Variants in ABI3BP observed in about 807,000 individuals in gnomAD.
ABI3BP encodes the protein target of Nesh-SH3.
In ABI3BP, 216 loss-of-function variants were observed where a neutral mutation model predicts 268.6. The ratio of observed to expected loss-of-function variants is 0.80; its 90% confidence interval spans 0.72 to 0.90. The LOEUF (loss-of-function observed/expected upper bound fraction) is 0.90, where lower values mean the gene tolerates loss of function less well. ABI3BP is among the 40% of genes least tolerant of loss of function. The pLI, the probability that ABI3BP is intolerant of heterozygous loss-of-function variation, is 0.00. For synonymous variants in ABI3BP, 730 were observed against 730.0 expected (o/e 1.00, Z 0.00); for missense variants, 2,090 against 2,182.4 (o/e 0.96, Z 0.84).
intron 4 of ABI3BP, among the ~76,000 whole-genome samples, chr3:100,893,725 C>G (rs1160647659): frequency 6.6e-6 from 1 of 152,232 alleles, no homozygotes; most frequent in East Asian, 1.9e-4. Flanking sequence ...GAATACATAA[C>G]AGGATCAACA....
chr3:100,853,134 T>C (rs1428406443), intron 14 of ABI3BP, among the ~76,000 whole-genome samples: 3 of 152,180 alleles, frequency 2.0e-5, no homozygotes, highest in Non-Finnish European at 4.4e-5. Context: ...CCTCTGAAAG[T>C]AGACAGCATT....
chr3:100,879,595 T>G (rs2153348590), intron 6 of ABI3BP, among the ~76,000 whole-genome samples: 1 of 152,354 alleles, frequency 6.6e-6, no homozygotes, highest in South Asian at 2.1e-4. Context: ...TATTCTGCTC[T>G]TCACATGAAT....
chr3:100,816,077 A>T lies in ABI3BP; in HGVS notation c.3230-106T>A, dbSNP rs544356795. The T allele has an allele frequency of 8.1e-6, 7 of 859,462 alleles. No homozygotes were observed. The African/African-American group carries it at 1.0e-4, about 13-fold the overall frequency. 53.2% of individuals were successfully genotyped at this position (859,462 alleles called of 1,614,324 possible). A position where few individuals can be genotyped will look rare whatever the true frequency, so the allele number is the denominator to read the frequency against. On this transcript the variant is annotated intron_variant, in intron 43 of 67. Coordinates refer to ENST00000471714, the MANE Select transcript of ABI3BP (RefSeq NM_001375547.2). ...AGTTTCAAATGATACACAATTTTTT[A>T]AAACTTTTGAATTGATAGGCAGCAT...
intron 6 of ABI3BP, among the ~76,000 whole-genome samples, chr3:100,880,394 G>T (rs562817780): frequency 7.2e-5 from 11 of 152,260 alleles, no homozygotes; most frequent in Admixed American, 7.2e-4. Flanking sequence ...CGTAGTTCTT[G>T]TCTTTCAATG....
intron 1 of ABI3BP, among the ~76,000 whole-genome samples, chr3:100,965,509 A>G: frequency 1.4e-5 from 1 of 71,134 alleles, no homozygotes; most frequent in South Asian, 3.7e-4. Flanking sequence ...AATAAAACAA[A>G]AAAAAAAAAA....
In ABI3BP at chr3:100,869,697, A is replaced by T. The variant is rs142332989; in HGVS notation, c.911-2741T>A. On this transcript the variant is annotated intron_variant, in intron 9 of 67. Coordinates refer to ENST00000471714, the MANE Select transcript of ABI3BP (RefSeq NM_001375547.2). ...TGATATTTCAGACATCAGAGAACTT[A>T]GTAGTTGGGGAGGGTATTTGAATGG... 7.3e-3 allele frequency among the ~76,000 whole-genome samples: 1,105 copies of T among 152,236 alleles called. 17 individuals are homozygous for T. The highest frequency in any genetic ancestry group is 0.025 in the African/African-American group (1,046 of 41,540).
At position 100,886,306 on chromosome 3, in the gene ABI3BP, T is replaced by C. The variant is rs1253303309; in HGVS notation, c.479A>G (p.Tyr160Cys). 6.3e-7 allele frequency: 1 copy of C among 1,597,886 alleles called. No individual in the cohort carries two copies. Among genetic ancestry groups the C allele is most frequent in the South Asian group, 1.1e-5 (1 of 88,686 alleles). The change falls in exon 5 of 68, where the codon TAT becomes TGT. Residue 160 changes from tyrosine to cysteine, a missense_variant. Tyr to Cys is a radical substitution (Grantham distance 194). Transcript: ENST00000471714. ...CTTCTTTTCTTTATCCTTTTCTCGA[T>C]AGCGAATTGTATAAAATCTGTTGAA... ...CPNDRFYTIR[Y>C]REKDKEKKWI...
At chr3:100,933,652 G>T in intron 1 of ABI3BP, among the ~76,000 whole-genome samples, 1 of 116,892 alleles carries the variant, frequency 8.6e-6, no homozygotes, top group African/African-American at 3.2e-5. Context: ...TATATCTATT[G>T]AAGGACTTGT....
chr3:100,792,792 CTTG>C (rs772510002), intron 54 of ABI3BP, 24 bp from the exon 55 acceptor site: 1 of 1,596,592 alleles, frequency 6.3e-7, no homozygotes, highest in Non-Finnish European at 8.6e-7. Flanking sequence ...AGTAAGATTG[CTTG>C]TTTTAAATAA....
At chr3:100,837,375 T>A in intron 26 of ABI3BP, 1 of 461,026 alleles carries the variant, frequency 2.2e-6, no homozygotes, top group Non-Finnish European at 3.8e-6. Flanking sequence ...TGGGAGAAAA[T>A]TTCAACTGCA....
In ABI3BP at chr3:100,955,000, T is replaced by TCA. The variant is rs1405142027; in HGVS notation, c.80-28520_80-28519insTG. Among the ~76,000 whole-genome samples, 2 of 108,214 alleles carry TCA rather than the reference T, an allele frequency of 1.8e-5. 1 individual carries two copies. The highest frequency in any genetic ancestry group is 3.7e-5 in the Non-Finnish European group (2 of 54,384). The allele number at this position is 108,214 out of a possible 152,430, so 71.0% of individuals were successfully genotyped here. ...CTTTTTTTTTTTTTTTTTTTTTTTT[T>TCA]ACGAATCATAAAGCTCAACTGGCAA... On this transcript the variant is annotated intron_variant, in intron 1 of 67. Transcript: ENST00000471714.
Position 100,810,478 on chromosome 3 carries a change from C to G in ABI3BP, c.3542-1G>C, listed in dbSNP as rs779142560. 64 of 1,534,496 alleles carry G rather than the reference C, an allele frequency of 4.2e-5. No individual in the cohort carries two copies. The highest frequency in any genetic ancestry group is 5.1e-5 in the Non-Finnish European group (59 of 1,145,828). On this transcript the variant is annotated splice_acceptor_variant, in intron 48 of 67. Transcript: ENST00000471714. LOFTEE classifies it high-confidence loss of function. ...GATTGAGAAGGCAGAGGCGACGTTTCTATGGTAATTGAAGGAAAGTACGCG... is the reference window on the plus strand; with the variant it reads ...GATTGAGAAGGCAGAGGCGACGTTTGTATGGTAATTGAAGGAAAGTACGCG...
intron 20 of ABI3BP, chr3:100,844,277 C>G: frequency 1.0e-6 from 1 of 985,376 alleles, no homozygotes. Context: ...TGGGGGCACC[C>G]CCTTATTTTC....
intron 2 of ABI3BP, among the ~76,000 whole-genome samples, chr3:100,913,667 A>T (rs1362368383): frequency 6.6e-6 from 1 of 152,216 alleles, no homozygotes; most frequent in Non-Finnish European, 1.5e-5. Context: ...GTTAATACAT[A>T]CAATATAATT....
In ABI3BP at chr3:100,874,849, G is replaced by A. The variant is rs2099144825; in HGVS notation, c.902C>T (p.Thr301Ile). Residue 301 changes from threonine (T) to isoleucine (I), a missense_variant, in exon 9 of 68, where the codon ACA (threonine) becomes ATA (isoleucine). Thr to Ile is a moderately conservative substitution (Grantham distance 89). Transcript: ENST00000471714. ...AAAACTTTTCTGCTTACCTAATTGTGTCTTGAGTGCATCTGAAATCTCAAA... is the reference window on the plus strand; with the variant it reads ...AAAACTTTTCTGCTTACCTAATTGTATCTTGAGTGCATCTGAAATCTCAAA... ...LMFEISDALKTQLAKNETLAL... is the reference protein window; with the variant it reads ...LMFEISDALKIQLAKNETLAL... 2 of 1,588,622 alleles carry A rather than the reference G, an allele frequency of 1.3e-6. No individual in the cohort carries two copies.
At chr3:100,910,133 A>T (rs1262959321) in intron 2 of ABI3BP, among the ~76,000 whole-genome samples, 2 of 152,304 alleles carry the variant, frequency 1.3e-5, no homozygotes, top group East Asian at 1.9e-4. Context: ...GCTGGAAACC[A>T]TCATTCTCAA....
chr3:100,852,844 T>A (rs1229238417), intron 14 of ABI3BP, among the ~76,000 whole-genome samples: 1 of 152,194 alleles, frequency 6.6e-6, no homozygotes, highest in Non-Finnish European at 1.5e-5. Context: ...CATGTTCACA[T>A]AAGAGTTGAA....
chr3:100,905,428 A>G (rs1437367894), intron 2 of ABI3BP, among the ~76,000 whole-genome samples: 1 of 152,102 alleles, frequency 6.6e-6, no homozygotes, highest in East Asian at 1.9e-4. Context: ...AAAAAGAAAT[A>G]CGAATGACCA....
chr3:100,883,141 C>A (rs2040254340), intron 6 of ABI3BP, among the ~76,000 whole-genome samples: 1 of 152,042 alleles, frequency 6.6e-6, no homozygotes, highest in Non-Finnish European at 1.5e-5. Flanking sequence ...AATATAGAAC[C>A]TTACTATATA....
Sources: allele counts gnomAD v4.1 joint callset (sites outside exome capture counted in the v4.1 genomes callset), GRCh38; gene constraint gnomAD v4.1.1; transcripts MANE v1.5; gene names NCBI Gene and HGNC (gene_info 2026-07-23, HGNC 2026-07-21).